RBPJ: variants seen among roughly 807,000 people sequenced by gnomAD.
RBPJ encodes recombining binding protein suppressor of hairless.
Under a neutral mutation model 67.8 loss-of-function variants are expected in RBPJ, and 9 were observed. The ratio of observed to expected loss-of-function variants is 0.13; its 90% CI spans 0.08 to 0.23. The LOEUF is 0.23. Among genes scored for constraint, RBPJ ranks in the 10% least tolerant of loss-of-function variants. RBPJ has a pLI of 1.00. For missense variants in RBPJ, 305 were observed against 595.6 expected (o/e 0.51, Z 5.08); for synonymous variants, 198 against 203.3 (o/e 0.97, Z 0.22).
At chr4:26,428,549 T>C in intron 7 of RBPJ, 171 bp from the exon 8 acceptor site, 1 of 544,044 alleles carries the variant, frequency 1.8e-6, no homozygotes, top group Non-Finnish European at 3.2e-6. Flanking sequence ...TAAAAGTGTT[T>C]TTTATTCCTA....
At chr4:26,369,198 CTG>C (rs1728916870) in intron 1 of RBPJ, among the ~76,000 whole-genome samples, 2 of 152,158 alleles carry the variant, frequency 1.3e-5, no homozygotes, top group African/African-American at 4.8e-5. Flanking sequence ...AATTTACAAA[CTG>C]AGAGAATAGC....
At position 26,207,409 on chromosome 4, in the gene RBPJ, A is replaced by G. The variant is rs146055305; in HGVS notation, c.-167+43795A>G. ...TTCTCCACGTCAGTCTTCCCCGCAA[A>G]GCACCTAGCCAAGTGGATTGCACAC... On this transcript the variant is annotated intron_variant, in intron 1 of 4. Coordinates refer to the RBPJ transcript ENST00000512351. Among the ~76,000 whole-genome samples, 3 of 152,288 alleles carry G rather than the reference A, an allele frequency of 2.0e-5. No homozygotes were observed. The East Asian group carries it at 5.8e-4, about 29-fold the overall frequency.
At chr4:26,304,270 G>A (rs1484803367) in intron 1 of RBPJ, among the ~76,000 whole-genome samples, 1 of 152,106 alleles carries the variant, frequency 6.6e-6, no homozygotes, top group Non-Finnish European at 1.5e-5. Context: ...CATTTGCATT[G>A]CTTCCACTTT....
At chr4:26,293,977 C>T (rs939047021) in intron 1 of RBPJ, among the ~76,000 whole-genome samples, 2 of 151,928 alleles carry the variant, frequency 1.3e-5, no homozygotes, top group South Asian at 2.1e-4. Context: ...AAGCTGGTCT[C>T]GAGCTCCTGA....
rs1735044367 is a variant in RBPJ, at chr4:26,420,728, A to G, written c.496+3A>G. ...GCAGTCATTGAAAAATGCTGACTGT[A>G]TGTATGCTTTTCTTATTTATCCCCA... is the stretch of plus-strand genomic sequence containing the variant. On this transcript the variant is annotated splice_donor_region_variant and intron_variant, in intron 5 of 10. Transcript: ENST00000355476. The G allele has an allele frequency of 6.3e-7, 1 of 1,589,770 alleles. No homozygotes were observed. The highest frequency in any genetic ancestry group is 8.6e-7 in the Non-Finnish European group (1 of 1,169,130).
intron 1 of RBPJ, among the ~76,000 whole-genome samples, chr4:26,254,534 A>C (rs1300329311): frequency 6.8e-6 from 1 of 147,894 alleles, no homozygotes; most frequent in Non-Finnish European, 1.5e-5. Flanking sequence ...CCAACACCCC[A>C]CTTTATTTTC....
chr4:26,109,186 C>A, the RBPJ span, among the ~76,000 whole-genome samples: 1 of 149,744 alleles, frequency 6.7e-6, no homozygotes, highest in Non-Finnish European at 1.5e-5. Context: ...TGGCTCACTG[C>A]AACCTCCACT....
At chr4:26,416,800 AT>A (rs1254568314) in intron 4 of RBPJ, among the ~76,000 whole-genome samples, 1 of 152,160 alleles carries the variant, frequency 6.6e-6, no homozygotes, top group African/African-American at 2.4e-5. Context: ...CTCAAATTGA[AT>A]TTTAGTGATT....
chr4:26,300,765 G>A (rs1722048741), intron 1 of RBPJ, among the ~76,000 whole-genome samples: 1 of 152,180 alleles, frequency 6.6e-6, no homozygotes, highest in Admixed American at 6.5e-5. Flanking sequence ...AACAGCCCCT[G>A]GCTCATAGAG....
At chr4:26,208,428 T>C (rs891048505) in intron 1 of RBPJ, among the ~76,000 whole-genome samples, 9 of 151,058 alleles carry the variant, frequency 6.0e-5, no homozygotes, top group Admixed American at 2.6e-4. Flanking sequence ...GATCCATTAA[T>C]AGGCTGGCCA....
At chr4:26,244,761 A>G (rs1467692110) in intron 1 of RBPJ, among the ~76,000 whole-genome samples, 1 of 151,856 alleles carries the variant, frequency 6.6e-6, no homozygotes, top group Non-Finnish European at 1.5e-5. Context: ...AGTAGCTGGG[A>G]TTACAGGCAC....
intron 1 of RBPJ, chr4:26,323,070 G>A (rs538032244): frequency 6.6e-6 from 1 of 151,336 alleles, no homozygotes; most frequent in East Asian, 1.9e-4. Flanking sequence ...TGGAGCATTG[G>A]AAAATACTTT....
intron 1 of RBPJ, among the ~76,000 whole-genome samples, chr4:26,192,011 T>TA (rs1560204524): frequency 4.2e-5 from 1 of 24,096 alleles, no homozygotes; most frequent in African/African-American, 3.5e-4. Flanking sequence ...TTCTTTAAAA[T>TA]TTTTTTTTTT....
At chr4:26,118,031 A>G in the RBPJ span, among the ~76,000 whole-genome samples, 1 of 152,154 alleles carries the variant, frequency 6.6e-6, no homozygotes, top group Admixed American at 6.5e-5. Flanking sequence ...TCTGTGAAAT[A>G]TATATCACAA....
chr4:26,348,119 G>T (rs182888585), intron 1 of RBPJ, among the ~76,000 whole-genome samples: 1 of 151,858 alleles, frequency 6.6e-6, no homozygotes, highest in African/African-American at 2.4e-5. Context: ...ACGCTACCAC[G>T]CCTGGCTAAT....
the RBPJ span, among the ~76,000 whole-genome samples, chr4:26,153,656 T>G: frequency 1.3e-5 from 2 of 152,184 alleles, no homozygotes; most frequent in African/African-American, 4.8e-5. Flanking sequence ...CTGACATGAT[T>G]TCTTGTTCTG....
At chr4:26,246,272 T>G (rs553364200) in intron 1 of RBPJ, among the ~76,000 whole-genome samples, 1 of 152,350 alleles carries the variant, frequency 6.6e-6, no homozygotes, top group Non-Finnish European at 1.5e-5. Flanking sequence ...TGTTTAGGAC[T>G]TGCACTGTTT....
the RBPJ span, among the ~76,000 whole-genome samples, chr4:26,109,298 G>A: frequency 6.7e-6 from 1 of 150,284 alleles, no homozygotes; most frequent in Non-Finnish European, 1.5e-5. Flanking sequence ...AAGAGATGGG[G>A]TTTCACCATG....
chr4:26,244,235 G>C, intron 1 of RBPJ, among the ~76,000 whole-genome samples: 1 of 43,760 alleles, frequency 2.3e-5, no homozygotes, highest in Admixed American at 3.2e-4. Context: ...ACATATATGT[G>C]TCTATATATG....
Sources: allele counts gnomAD v4.1 joint callset (sites outside exome capture counted in the v4.1 genomes callset), GRCh38; gene constraint gnomAD v4.1.1; transcripts MANE v1.5; gene names NCBI Gene and HGNC (gene_info 2026-07-23, HGNC 2026-07-21).